The following ADGRL2 variants were observed in gnomAD, a reference collection of about 807,000 sequenced individuals.
The protein encoded by ADGRL2 is adhesion G protein-coupled receptor L2.
ADGRL2 carries 44 observed loss-of-function variants against 157.4 expected under a neutral mutation model. The ratio of observed to expected loss-of-function variants is 0.28; its 90% CI spans 0.22 to 0.36. The LOEUF (loss-of-function observed/expected upper bound fraction) is 0.36, where lower values mean the gene tolerates loss of function less well. Among genes scored for constraint, ADGRL2 ranks in the 10% least tolerant of loss-of-function variants. The pLI, the probability that ADGRL2 is intolerant of heterozygous loss-of-function variation, is 1.00. For synonymous variants in ADGRL2, 585 were observed against 624.7 expected, an observed-to-expected ratio of 0.94 and a Z score of 0.95; for missense variants, 1,510 against 1,768.9, an observed-to-expected ratio of 0.85 and a Z score of 2.63.
intron 1 of ADGRL2, among the ~76,000 whole-genome samples, chr1:81,350,503 A>G (rs1662803855): frequency 6.6e-6 from 1 of 152,236 alleles, no homozygotes; most frequent in Admixed American, 6.5e-5. Flanking sequence ...AATCTGAAGA[A>G]TAATTGGTGA....
chr1:81,845,378 G>A (rs760280001), intron 2 of ADGRL2, among the ~76,000 whole-genome samples: 2 of 151,854 alleles, frequency 1.3e-5, no homozygotes, highest in Non-Finnish European at 2.9e-5. Flanking sequence ...TCTGATAATT[G>A]TACTGGAGAT....
At chr1:81,834,127 G>T (rs1027285646) in intron 1 of ADGRL2, among the ~76,000 whole-genome samples, 1 of 152,178 alleles carries the variant, frequency 6.6e-6, no homozygotes, top group South Asian at 2.1e-4. Context: ...GAACTATTAC[G>T]TAGCAAGCAT....
At chr1:81,426,722 G>T in intron 1 of ADGRL2, 1 of 471,394 alleles carries the variant, frequency 2.1e-6, no homozygotes, top group Non-Finnish European at 4.1e-6. Flanking sequence ...TGAAGAGGTG[G>T]ATGCAACAAC....
At chr1:81,882,310 A>G (rs949282597) in intron 2 of ADGRL2, among the ~76,000 whole-genome samples, 1 of 152,216 alleles carries the variant, frequency 6.6e-6, no homozygotes, top group Non-Finnish European at 1.5e-5. Flanking sequence ...TATGCCAAAT[A>G]TACTACTAAT....
chr1:81,647,735 G>T (rs980881826), intron 3 of ADGRL2, among the ~76,000 whole-genome samples: 2 of 152,128 alleles, frequency 1.3e-5, no homozygotes, highest in Non-Finnish European at 2.9e-5. Flanking sequence ...AACATCTATT[G>T]GTGGGTAATG....
At chr1:81,950,520 T>A (rs1374419859) in intron 7 of ADGRL2, 38 bp downstream of exon 7, 1 of 1,555,322 alleles carries the variant, frequency 6.4e-7, no homozygotes, top group Non-Finnish European at 8.8e-7. Flanking sequence ...ATTTTTCAAT[T>A]TAGTAAGTAG....
At chr1:81,879,221 G>A (rs2093921233) in intron 2 of ADGRL2, among the ~76,000 whole-genome samples, 1 of 152,076 alleles carries the variant, frequency 6.6e-6, no homozygotes, top group Non-Finnish European at 1.5e-5. Flanking sequence ...CACATGATTG[G>A]GAAATAAGCT....
At chr1:81,835,700 C>T (rs1439119314) in intron 1 of ADGRL2, among the ~76,000 whole-genome samples, 1 of 152,042 alleles carries the variant, frequency 6.6e-6, no homozygotes, top group Admixed American at 6.6e-5. Context: ...GGTGATGCCT[C>T]CCTCTCCCCT....
At chr1:81,956,213 C>T (rs1653464375) in intron 11 of ADGRL2, among the ~76,000 whole-genome samples, 153 bp downstream of exon 11, 1 of 152,114 alleles carries the variant, frequency 6.6e-6, no homozygotes, top group South Asian at 2.1e-4. Context: ...ATTGACCACA[C>T]TTACTAAAAT....
chr1:81,643,739 G>A (rs1005921526), intron 3 of ADGRL2, among the ~76,000 whole-genome samples: 1 of 152,134 alleles, frequency 6.6e-6, no homozygotes, highest in Non-Finnish European at 1.5e-5. Flanking sequence ...CCTGATGAAT[G>A]AAATCAAAGA....
intron 1 of ADGRL2, among the ~76,000 whole-genome samples, chr1:81,308,057 G>A (rs1483025981): frequency 6.6e-6 from 1 of 151,860 alleles, no homozygotes; most frequent in Non-Finnish European, 1.5e-5. Flanking sequence ...AAGCTACTCG[G>A]CTAGGATAGC....
chr1:81,968,311 T>A, intron 14 of ADGRL2, 112 bp downstream of exon 14: 1 of 872,612 alleles, frequency 1.1e-6, no homozygotes, highest in Non-Finnish European at 1.8e-6. Flanking sequence ...GCAAACAAAG[T>A]AATGTTGATT....
At chr1:81,650,319 C>T (rs2082389933) in intron 3 of ADGRL2, among the ~76,000 whole-genome samples, 1 of 152,028 alleles carries the variant, frequency 6.6e-6, no homozygotes, top group Non-Finnish European at 1.5e-5. Context: ...CACCTGTAAT[C>T]CCAGCACTTT....
At chr1:81,958,600 A>G (rs1654350795) in intron 11 of ADGRL2, among the ~76,000 whole-genome samples, 2 of 152,212 alleles carry the variant, frequency 1.3e-5, no homozygotes, top group Admixed American at 6.5e-5. Flanking sequence ...AATTTTATCT[A>G]TTATAATTAT....
intron 1 of ADGRL2, among the ~76,000 whole-genome samples, chr1:81,372,756 TC>T (rs2076182913): frequency 6.6e-6 from 1 of 152,200 alleles, no homozygotes; most frequent in African/African-American, 2.4e-5. Context: ...GTAATGAAGC[TC>T]TTGAAACCAA....
chr1:81,736,687 C>T (rs1480615590), intron 1 of ADGRL2, among the ~76,000 whole-genome samples: 1 of 152,136 alleles, frequency 6.6e-6, no homozygotes, highest in Non-Finnish European at 1.5e-5. Flanking sequence ...GTTTTTGACT[C>T]TGAAAATCCT....
chr1:81,806,522 T>C (rs1446384179), intron 1 of ADGRL2, among the ~76,000 whole-genome samples: 1 of 152,034 alleles, frequency 6.6e-6, no homozygotes, highest in Non-Finnish European at 1.5e-5. Context: ...AGTATCTTAA[T>C]ATAAGAATAT....
At chr1:81,367,737 A>T (rs1440883198) in intron 1 of ADGRL2, among the ~76,000 whole-genome samples, 4 of 152,182 alleles carry the variant, frequency 2.6e-5, no homozygotes, top group African/African-American at 7.2e-5. Flanking sequence ...TTTTTAGTAG[A>T]GATGGAGTTT....
chr1:81,520,374 C>CCA lies in ADGRL2; in HGVS notation c.-247-60489_-247-60488dup, dbSNP rs139729166. 7.3e-5 allele frequency among the ~76,000 whole-genome samples: 11 copies of CCA among 150,998 alleles called. No individual in the cohort carries two copies. In the South Asian group the frequency reaches 8.3e-4, roughly 11 times the overall value. On this transcript the variant is annotated intron_variant, in intron 2 of 24. Coordinates refer to the ADGRL2 transcript ENST00000370721. ...TAAAAACACCATCCCCGCCCCTCTG[C>CCA]CACACACACACACATACACACACAT...
Sources: allele counts gnomAD v4.1 joint callset (sites outside exome capture counted in the v4.1 genomes callset), GRCh38; gene constraint gnomAD v4.1.1; transcripts MANE v1.5; gene names NCBI Gene and HGNC (gene_info 2026-07-23, HGNC 2026-07-21).